Variants in ASB3 observed in about 807,000 individuals in gnomAD.
ASB3 encodes the protein ankyrin repeat and SOCS box protein 3.
Under a neutral mutation model 54.5 loss-of-function variants are expected in ASB3, and 41 were observed. The observed-to-expected ratio is 0.75, with a 90% CI of 0.59 to 0.98. ASB3 has a LOEUF of 0.98. ASB3 is among the 50% of genes least tolerant of loss of function. The pLI, the probability that ASB3 is intolerant of heterozygous loss-of-function variation, is 0.00. For missense variants in ASB3, 733 were observed against 620.0 expected (o/e 1.18, Z -1.94); for synonymous variants, 266 against 221.2 (o/e 1.20, Z -1.80).
chr2:53,712,852 G>A (rs1670184225), intron 7 of ASB3, among the ~76,000 whole-genome samples: 1 of 152,198 alleles, frequency 6.6e-6, no homozygotes, highest in African/African-American at 2.4e-5. Flanking sequence ...TAAGATTTGG[G>A]ATAGAGAAAG....
intron 3 of ASB3, among the ~76,000 whole-genome samples, chr2:53,747,572 G>C (rs1290251068): frequency 6.6e-6 from 1 of 152,108 alleles, no homozygotes; most frequent in East Asian, 1.9e-4. Flanking sequence ...AAAGCTCTGC[G>C]ATAAACAAAT....
chr2:53,774,645 A>C, intron 1 of ASB3: 1 of 716,080 alleles, frequency 1.4e-6, no homozygotes. Flanking sequence ...TTTAACTGGA[A>C]ATGTCCTGAA....
intron 1 of ASB3, among the ~76,000 whole-genome samples, chr2:53,772,396 A>G (rs370303924): frequency 1.3e-3 from 200 of 152,128 alleles, no homozygotes; most frequent in Middle Eastern, 6.8e-3. Flanking sequence ...GGATGGTCTC[A>G]ATCTCCCGAC....
intron 3 of ASB3, among the ~76,000 whole-genome samples, chr2:53,729,820 T>C (rs1671201563): frequency 6.6e-6 from 1 of 152,222 alleles, no homozygotes; most frequent in South Asian, 2.1e-4. Context: ...CAAACATTTA[T>C]TCTCTCTGAA....
intron 9 of ASB3, among the ~76,000 whole-genome samples, chr2:53,678,468 A>T (rs903697272): frequency 5.3e-5 from 8 of 152,252 alleles, no homozygotes; most frequent in African/African-American, 1.9e-4. Context: ...CTTTACAGAA[A>T]TCGTTTTAAG....
At chr2:53,712,721 C>T (rs1160619157) in intron 7 of ASB3, among the ~76,000 whole-genome samples, 2 of 151,708 alleles carry the variant, frequency 1.3e-5, no homozygotes, top group African/African-American at 4.8e-5. Flanking sequence ...AAGATGAAGG[C>T]CAAAAAAGAC....
chr2:53,714,462 C>T lies in ASB3; in HGVS notation c.902G>A (p.Arg301Gln), dbSNP rs762933193. The change falls in exon 7 of 10, where the codon CGG (arginine) becomes CAG (glutamine). Residue 301 changes from arginine to glutamine, a missense_variant. Physicochemically the swap from Arg to Gln is conservative, Grantham distance 43 (BLOSUM62 1). Transcript: ENST00000263634. ...CTGGGCGTCTGGGCTGTAGCCATTCCGGAGTAATATTTCTAGGCAATCTTC... is the reference window on the plus strand; with the variant it reads ...CTGGGCGTCTGGGCTGTAGCCATTCTGGAGTAATATTTCTAGGCAATCTTC... ...GHEDCLEILL[R>Q]NGYSPDAQAC... 6.8e-6 allele frequency: 11 copies of T among 1,614,190 alleles called. No individual in the cohort carries two copies. Among genetic ancestry groups the T allele is most frequent in the South Asian group, 1.1e-5 (1 of 91,080 alleles).
At chr2:53,687,552 T>C (rs1668694598) in intron 9 of ASB3, among the ~76,000 whole-genome samples, 1 of 152,200 alleles carries the variant, frequency 6.6e-6, no homozygotes, top group Non-Finnish European at 1.5e-5. Flanking sequence ...TGGGCTCTGA[T>C]TCTCACTAAA....
intron 3 of ASB3, among the ~76,000 whole-genome samples, chr2:53,747,330 G>A (rs1368483504): frequency 6.6e-6 from 1 of 152,202 alleles, no homozygotes; most frequent in Admixed American, 6.5e-5. Context: ...CAGATCGCCT[G>A]AGGTCAGGAG....
intron 8 of ASB3, among the ~76,000 whole-genome samples, chr2:53,699,215 G>A (rs1262152330): frequency 6.6e-6 from 1 of 152,006 alleles, no homozygotes; most frequent in East Asian, 1.9e-4. Flanking sequence ...CCCATCACTG[G>A]GGCACCATCT....
intron 1 of ASB3, chr2:53,774,002 C>G (rs1674145230): frequency 1.0e-6 from 1 of 953,240 alleles, no homozygotes; most frequent in East Asian, 2.6e-5. Context: ...GCCACTGCAC[C>G]ACAGCCTGGG....
chr2:53,709,202 C>G (rs937432182), intron 7 of ASB3, among the ~76,000 whole-genome samples: 2 of 152,210 alleles, frequency 1.3e-5, no homozygotes, highest in Non-Finnish European at 2.9e-5. Context: ...CCTCCACAGC[C>G]TTGGGACACT....
chr2:53,768,432 A>C (rs540050507), intron 1 of ASB3, among the ~76,000 whole-genome samples: 5 of 152,218 alleles, frequency 3.3e-5, no homozygotes, highest in Non-Finnish European at 7.3e-5. Context: ...TTTAGCAATT[A>C]AATTTGTTGG....
chr2:53,755,622 G>A (rs371435710), intron 2 of ASB3, among the ~76,000 whole-genome samples: 1 of 152,154 alleles, frequency 6.6e-6, no homozygotes, highest in East Asian at 1.9e-4. Flanking sequence ...ATAAGAAAAG[G>A]TTATATATAA....
chr2:53,782,948 G>A (rs1433351739), intron 1 of ASB3, among the ~76,000 whole-genome samples: 2 of 152,000 alleles, frequency 1.3e-5, no homozygotes, highest in Admixed American at 6.6e-5. Flanking sequence ...CAAGACTTCC[G>A]GCTAATTTTT....
Position 53,693,896 on chromosome 2 carries a change from G to A in ASB3, c.1357C>T (p.Gln453Ter). 6.2e-7 allele frequency: 1 copy of A among 1,613,390 alleles called. No individual in the cohort carries two copies. The highest frequency in any genetic ancestry group is 8.5e-7 in the Non-Finnish European group (1 of 1,179,510). The part of the protein sequence containing the change: ...SARASNAWIL[Q>*]QHIATVPSLT... Reference sequence around the variant, plus strand: ...TATTCTTTCTTACCAATATGTTGCTGTAGAATCCAAGCGTTTGAGGCACGA... The same window carrying A: ...TATTCTTTCTTACCAATATGTTGCTATAGAATCCAAGCGTTTGAGGCACGA... Residue 453 changes from glutamine (Q) to a stop codon, truncating the protein, a stop_gained, in exon 9 of 10, where the codon CAG (glutamine) becomes TAG (stop). Transcript: ENST00000263634. LOFTEE classifies it high-confidence loss of function.
chr2:53,742,484 A>C (rs907308057), intron 3 of ASB3, among the ~76,000 whole-genome samples: 1 of 152,222 alleles, frequency 6.6e-6, no homozygotes, highest in African/African-American at 2.4e-5. Flanking sequence ...ACCACAAACC[A>C]AAGGAAAATT....
Position 53,755,987 on chromosome 2 carries a change from C to CCG in ASB3, c.197-5047_197-5046insCG, listed in dbSNP as rs565579071. On this transcript the variant is annotated intron_variant, in intron 2 of 9. Transcript: ENST00000263634. ...GGACAAAATAGTAAGACCCCCCCCC[C>CCG]ACCTCTACAAAATATAGAAAATAAA... Among the ~76,000 whole-genome samples, 904 of 149,988 alleles carry CCG rather than the reference C, an allele frequency of 6.0e-3. 6 individuals carry two copies. The highest frequency in any genetic ancestry group is 0.011 in the Non-Finnish European group (720 of 67,362).
At chr2:53,725,046 T>A (rs536716978) in intron 5 of ASB3, among the ~76,000 whole-genome samples, 1 of 152,284 alleles carries the variant, frequency 6.6e-6, no homozygotes, top group South Asian at 2.1e-4. Context: ...CATCAATGGA[T>A]ACCTGGTGGA....
Sources: gnomAD v4.1 joint callset for allele counts (sites outside exome capture counted in the v4.1 genomes callset) on GRCh38, gnomAD v4.1.1 for gene constraint, MANE v1.5 for transcripts, NCBI Gene and HGNC (gene_info 2026-07-23, HGNC 2026-07-21) for gene names.